ZNF83: variants seen among roughly 807,000 people sequenced by gnomAD.
ZNF83 encodes the protein zinc finger protein 83, also known as zinc finger protein 816B.
For missense variants in ZNF83, 552 were observed against 629.9 expected (o/e 0.88, Z 1.32); for synonymous variants, 209 against 213.0 (o/e 0.98, Z 0.17).
At chr19:52,666,494 G>A (rs572545282) in intron 1 of ZNF83, among the ~76,000 whole-genome samples, 5 of 151,934 alleles carry the variant, frequency 3.3e-5, no homozygotes, top group East Asian at 3.9e-4. Flanking sequence ...CCAGTAAACC[G>A]CGGATGGCCC....
At chr19:52,638,254 AG>A (rs1216452226) in intron 1 of ZNF83, 57 bp downstream of exon 1, 1 of 152,362 alleles carries the variant, frequency 6.6e-6, no homozygotes. Flanking sequence ...CCCACGTCTC[AG>A]GTACAGCAGC....
chr19:52,647,176 G>A (rs777160021), intron 3 of ZNF83, among the ~76,000 whole-genome samples: 19 of 152,118 alleles, frequency 1.2e-4, no homozygotes, highest in Admixed American at 2.6e-4. Context: ...GGAAGAGAGT[G>A]AGACTCTCAA....
At chr19:52,646,824 G>C (rs1022032352) in intron 3 of ZNF83, among the ~76,000 whole-genome samples, 1 of 152,180 alleles carries the variant, frequency 6.6e-6, no homozygotes, top group African/African-American at 2.4e-5. Flanking sequence ...AGCAAACTCT[G>C]TAAGTTCCTG....
At chr19:52,689,977 G>A (rs1361792956) in intron 1 of ZNF83, among the ~76,000 whole-genome samples, 2 of 152,188 alleles carry the variant, frequency 1.3e-5, no homozygotes, top group Non-Finnish European at 2.9e-5. Context: ...GAGGGAGGTG[G>A]GGGGCGACGG....
chr19:52,676,262 CG>C (rs1043847621), intron 1 of ZNF83, among the ~76,000 whole-genome samples: 7 of 152,196 alleles, frequency 4.6e-5, no homozygotes. Context: ...GGATTGCAGA[CG>C]GAGTCTCGTT....
At chr19:52,614,897 G>A in intron 2 of ZNF83, 100 bp from the exon 3 acceptor site, 1 of 1,075,278 alleles carries the variant, frequency 9.3e-7, no homozygotes, top group Non-Finnish European at 1.2e-6. Context: ...TAATACTTAT[G>A]TTAAAGAAAG....
chr19:52,677,966 C>T (rs1568580684), intron 1 of ZNF83, among the ~76,000 whole-genome samples: 2 of 151,342 alleles, frequency 1.3e-5, no homozygotes, highest in African/African-American at 2.4e-5. Context: ...ACCTGGGAGT[C>T]GGAGGTTGCA....
chr19:52,615,907 C>T (rs572523935), intron 2 of ZNF83, among the ~76,000 whole-genome samples: 6 of 152,304 alleles, frequency 3.9e-5, no homozygotes, highest in South Asian at 2.1e-4. Context: ...GGCACGACCT[C>T]GGCTCGCTGC....
At chr19:52,689,530 C>A (rs532251915) in intron 1 of ZNF83, among the ~76,000 whole-genome samples, 15 of 152,266 alleles carry the variant, frequency 9.9e-5, no homozygotes, top group Admixed American at 5.9e-4. Context: ...CCCTGATGAG[C>A]CTCCCTCTTT....
chr19:52,642,116 C>T (rs1373947203), upstream of ZNF83, among the ~76,000 whole-genome samples: 3 of 152,114 alleles, frequency 2.0e-5, no homozygotes, highest in Non-Finnish European at 2.9e-5. Context: ...GTCAGATAGG[C>T]ATTTGACTCA....
chr19:52,623,647 G>A (rs1214780754), intron 2 of ZNF83, among the ~76,000 whole-genome samples: 1 of 151,910 alleles, frequency 6.6e-6, no homozygotes, highest in Non-Finnish European at 1.5e-5. Context: ...CCACAGGTAT[G>A]GGACACCTCT....
intron 1 of ZNF83, among the ~76,000 whole-genome samples, chr19:52,668,228 C>A (rs1288685977): frequency 5.3e-5 from 8 of 152,024 alleles, no homozygotes; most frequent in Admixed American, 5.2e-4. Context: ...TAGGAAGGAC[C>A]CTATCTTGTG....
intron 2 of ZNF83, among the ~76,000 whole-genome samples, chr19:52,625,473 G>GTATC (rs1307423018): frequency 3.3e-5 from 5 of 152,088 alleles, no homozygotes; most frequent in African/African-American, 7.2e-5. Flanking sequence ...ACTCCATTAT[G>GTATC]TATCTCTCAG....
At chr19:52,666,618 C>CAAAAAAAAAAAAAAAAAAA in intron 1 of ZNF83, among the ~76,000 whole-genome samples, 1 of 105,802 alleles carries the variant, frequency 9.5e-6, no homozygotes, top group Non-Finnish European at 1.9e-5. Context: ...TATCCTAAGT[C>CAAAAAAAAAAAAAAAAAAA]AAAAAAAAAA....
chr19:52,653,122 G>T, intron 3 of ZNF83: 2 of 1,461,272 alleles, frequency 1.4e-6, no homozygotes, highest in Non-Finnish European at 1.9e-6. Flanking sequence ...TCGAGCAAAG[G>T]TCTTGCCACA....
At chr19:52,682,725 C>G (rs1226373119) in intron 1 of ZNF83, among the ~76,000 whole-genome samples, 2 of 151,804 alleles carry the variant, frequency 1.3e-5, no homozygotes, top group African/African-American at 2.4e-5. Context: ...AAAGATGTAG[C>G]TATGTGTGGT....
chr19:52,637,427 T>C (rs567923848), intron 1 of ZNF83, among the ~76,000 whole-genome samples: 385 of 152,212 alleles, frequency 2.5e-3, no homozygotes, highest in Non-Finnish European at 4.4e-3. Flanking sequence ...TCTGATGAGA[T>C]TCCCTCTTTG....
chr19:52,685,573 A>G (rs1197524836), intron 1 of ZNF83, among the ~76,000 whole-genome samples: 1 of 152,168 alleles, frequency 6.6e-6, no homozygotes, highest in African/African-American at 2.4e-5. Context: ...CAGCTGTAGA[A>G]CTAAGACGTA....
intron 2 of ZNF83, among the ~76,000 whole-genome samples, chr19:52,621,133 G>A (rs979572931): frequency 6.6e-6 from 1 of 152,186 alleles, no homozygotes; most frequent in Non-Finnish European, 1.5e-5. Context: ...TGTGGGACAG[G>A]AGGACTCCTT....
Sources: gnomAD v4.1 joint callset for allele counts (sites outside exome capture counted in the v4.1 genomes callset) on GRCh38, gnomAD v4.1.1 for gene constraint, MANE v1.5 for transcripts, NCBI Gene and HGNC (gene_info 2026-07-23, HGNC 2026-07-21) for gene names.